Variants in KDM4B observed in about 807,000 individuals in gnomAD.
KDM4B encodes the protein lysine demethylase 4B.
Under a neutral mutation model 125.2 loss-of-function variants are expected in KDM4B, and 32 were observed. The ratio of observed to expected loss-of-function variants is 0.26; its 90% CI spans 0.19 to 0.34. KDM4B has a LOEUF of 0.34. KDM4B is among the 10% of genes least tolerant of loss of function. KDM4B has a pLI of 1.00. For synonymous variants in KDM4B, 721 were observed against 677.9 expected (o/e 1.06, Z -0.99); for missense variants, 1,190 against 1,577.7 (o/e 0.75, Z 4.16).
At chr19:5,077,181 A>C (rs1363988229) in intron 7 of KDM4B, 186 bp from the exon 8 acceptor site, 1 of 623,448 alleles carries the variant, frequency 1.6e-6, no homozygotes, top group Non-Finnish European at 2.9e-6. Flanking sequence ...GCTCCTGCGC[A>C]TCTCCTTCCC....
At chr19:5,145,856 C>T (rs1471081768) in intron 21 of KDM4B, among the ~76,000 whole-genome samples, 4 of 152,204 alleles carry the variant, frequency 2.6e-5, no homozygotes, top group Admixed American at 1.3e-4. Flanking sequence ...GCTCGCACCC[C>T]GAGCCCCAAG....
At chr19:5,014,499 TCTC>T (rs1258088544) in intron 1 of KDM4B, among the ~76,000 whole-genome samples, 2 of 152,110 alleles carry the variant, frequency 1.3e-5, no homozygotes, top group Admixed American at 6.5e-5. Flanking sequence ...GATGGTCCGA[TCTC>T]CTGACCTTGT....
chr19:4,998,591 G>C (rs2035273733), intron 1 of KDM4B, among the ~76,000 whole-genome samples: 1 of 152,196 alleles, frequency 6.6e-6, no homozygotes, highest in Non-Finnish European at 1.5e-5. Flanking sequence ...TTTGTATCAA[G>C]TTATCAAAAT....
chr19:5,010,799 C>G (rs536933561), intron 1 of KDM4B, among the ~76,000 whole-genome samples: 1 of 152,180 alleles, frequency 6.6e-6, no homozygotes, highest in African/African-American at 2.4e-5. Context: ...AGGTGCCCAC[C>G]ATCACACCTG....
intron 2 of KDM4B, among the ~76,000 whole-genome samples, chr19:5,022,049 G>A (rs2036139295): frequency 6.6e-6 from 1 of 152,202 alleles, no homozygotes; most frequent in Non-Finnish European, 1.5e-5. Context: ...TCTGCAGTTT[G>A]GGGGTCCTTG....
rs960166670 is a variant in KDM4B, at chr19:5,151,860, T to C, written c.*349T>C. On this transcript the variant is annotated 3_prime_UTR_variant, in exon 23 of 23. Coordinates refer to ENST00000159111, the MANE Select transcript of KDM4B (RefSeq NM_015015.3). ...TACATAAACCACCTTTGTGAGGCTC[T>C]TTCTATAAATACATATTGTTTAAAA... is the stretch of plus-strand genomic sequence containing the variant. 1 of 247,820 alleles carries C rather than the reference T, an allele frequency of 4.0e-6. No individual in the cohort carries two copies. The highest frequency in any genetic ancestry group is 2.2e-5 in the African/African-American group (1 of 45,112). The allele number at this position is 247,820 out of a possible 1,614,324, so 15.4% of individuals were successfully genotyped here.
intron 21 of KDM4B, among the ~76,000 whole-genome samples, chr19:5,145,881 C>T (rs138603760): frequency 0.013 from 1,946 of 152,290 alleles, 35 homozygotes; most frequent in African/African-American, 0.044. Flanking sequence ...TTGTAAACAT[C>T]GGAGTTCAGC....
At chr19:5,125,778 C>T (rs1259518769) in intron 11 of KDM4B, among the ~76,000 whole-genome samples, 1 of 150,528 alleles carries the variant, frequency 6.6e-6, no homozygotes, top group East Asian at 2.0e-4. Context: ...CTGCCCACCC[C>T]CCGCCCCCCG....
chr19:5,082,599 GT>G lies in KDM4B; in HGVS notation c.918+98del, dbSNP rs2038335631. The G allele has an allele frequency of 2.2e-6, 3 of 1,377,726 alleles. No individual in the cohort carries two copies. The African/African-American group carries it at 4.4e-5, about 20-fold the overall frequency. The allele number at this position is 1,377,726 out of a possible 1,614,324, so 85.3% of individuals were successfully genotyped here. A position where few individuals can be genotyped will look rare whatever the true frequency, so the allele number is the denominator to read the frequency against. ...CACGCCCATAGCTGGTCCAGCAGCC[GT>G]TTCGCTCAGCCCAGGGCCTGGGCTC... On this transcript the variant is annotated intron_variant, in intron 9 of 22. Transcript: ENST00000159111. This position sits in a 1 kb window ranked among gnomAD's most constrained non-coding sequence, Gnocchi z 5.4.
rs1467608195 is a variant in KDM4B at position 5,041,236 on chromosome 19, C to T, written c.417C>T (p.Gly139=). 1.2e-6 allele frequency: 2 copies of T among 1,612,292 alleles called. No homozygotes were observed. Among genetic ancestry groups the T allele is most frequent in the African/African-American group, 1.3e-5 (1 of 74,898 alleles). The change falls in exon 5 of 23, where the codon GGC becomes GGT. Residue 139 remains glycine (G), a synonymous_variant. Coordinates refer to ENST00000159111, the MANE Select transcript of KDM4B (RefSeq NM_015015.3). ...VSPIYGADIS[G]SLYDDDVAQW... Reference sequence around the variant, plus strand: ...CGATCTACGGGGCTGACATCAGCGGCTCTTTGTATGATGACGTAAGTATGA... The same window carrying T: ...CGATCTACGGGGCTGACATCAGCGGTTCTTTGTATGATGACGTAAGTATGA...
rs970196389 is a variant in KDM4B at position 5,150,464 on chromosome 19, G to T, written c.3114+14G>T. ...CGCTCTCGGCTGGTGAGTGCGCGAG[G>T]CTGGCCTGGTGGCTCCGGGTGACTC... On this transcript the variant is annotated intron_variant, in intron 22 of 22. Coordinates refer to ENST00000159111, the MANE Select transcript of KDM4B (RefSeq NM_015015.3). The T allele has an allele frequency of 3.2e-6, 5 of 1,543,788 alleles. No individual in the cohort carries two copies. Among genetic ancestry groups the T allele is most frequent in the Non-Finnish European group, 3.5e-6 (4 of 1,142,768 alleles).
At chr19:5,026,379 G>A (rs1014827033) in intron 2 of KDM4B, among the ~76,000 whole-genome samples, 2 of 152,154 alleles carry the variant, frequency 1.3e-5, no homozygotes, top group South Asian at 2.1e-4. Context: ...GTGTAGTGAT[G>A]TGATCACAGC....
At chr19:5,112,062 G>T (rs1648902820) in intron 10 of KDM4B, 1 of 505,542 alleles carries the variant, frequency 2.0e-6, no homozygotes, top group Non-Finnish European at 3.6e-6. Flanking sequence ...AGACCAGCCT[G>T]GGCAACATAT....
At chr19:4,999,592 T>C (rs1468083488) in intron 1 of KDM4B, among the ~76,000 whole-genome samples, 3 of 152,154 alleles carry the variant, frequency 2.0e-5, no homozygotes, top group African/African-American at 7.2e-5. Context: ...CTTACACACA[T>C]GTACATTGTG....
chr19:5,064,327 G>A lies in KDM4B; in HGVS notation c.627-6683G>A, dbSNP rs544755871. Among the ~76,000 whole-genome samples the A allele has an allele frequency of 5.9e-5, 9 of 152,272 alleles. No homozygotes were observed. In the East Asian group the frequency reaches 7.7e-4, roughly 13 times the overall value. Reference sequence around the variant, plus strand: ...GTCTGCGATGATAGCGCATTAAATGGCGAAGGCCCGTCTGCCCAGGCCTGT... The same window carrying A: ...GTCTGCGATGATAGCGCATTAAATGACGAAGGCCCGTCTGCCCAGGCCTGT... On this transcript the variant is annotated intron_variant, in intron 6 of 22. Coordinates refer to ENST00000159111, the MANE Select transcript of KDM4B (RefSeq NM_015015.3).
chr19:4,985,925 C>G (rs377438566), intron 1 of KDM4B, among the ~76,000 whole-genome samples: 2 of 152,250 alleles, frequency 1.3e-5, no homozygotes, highest in Non-Finnish European at 2.9e-5. Context: ...TCTGTGTGTT[C>G]TGCACCGGCC....
At position 5,108,292 on chromosome 19, in the gene KDM4B, G is replaced by C. The variant is rs571732378; in HGVS notation, c.919-2330G>C. ...AAACGCCGGCACCATCTGTGTTCCT[G>C]CCACTCCATGGCCAAATGACACCAC... On this transcript the variant is annotated intron_variant, in intron 9 of 22. Transcript: ENST00000159111. Among the ~76,000 whole-genome samples, 20 of 152,368 alleles carry C rather than the reference G, an allele frequency of 1.3e-4. No homozygotes were observed. The East Asian group carries it at 3.9e-3, about 29-fold the overall frequency.
At position 5,071,079 on chromosome 19, in the gene KDM4B, G is replaced by A. The variant is rs1384625307; in HGVS notation, c.676+20G>A. The A allele has an allele frequency of 6.2e-7, 1 of 1,610,872 alleles. No individual in the cohort carries two copies. Among genetic ancestry groups the A allele is most frequent in the African/African-American group, 1.3e-5 (1 of 74,924 alleles). ...CCATCGGTAGGTGCCTGCCCTGAGG[G>A]CCCCAGGGACCTGGGACCAGGTGGG... On this transcript the variant is annotated intron_variant, in intron 7 of 22. Coordinates refer to ENST00000159111, the MANE Select transcript of KDM4B (RefSeq NM_015015.3).
intron 1 of KDM4B, among the ~76,000 whole-genome samples, chr19:4,977,125 A>T (rs2034474504): frequency 6.8e-6 from 1 of 146,104 alleles, no homozygotes; most frequent in African/African-American, 2.5e-5. Flanking sequence ...TTCTTTATCC[A>T]CCTCAGTGAT....
Sources: gnomAD v4.1 joint callset for allele counts (sites outside exome capture counted in the v4.1 genomes callset) on GRCh38, gnomAD v4.1.1 for gene constraint, Gnocchi (gnomAD v3.1) non-coding constraint, MANE v1.5 for transcripts, NCBI Gene and HGNC (gene_info 2026-07-23, HGNC 2026-07-21) for gene names.